The following EP400 variants were observed in gnomAD, a reference collection of about 807,000 sequenced individuals.
EP400 encodes E1A binding protein p400, also known as E1A-binding protein p400.
In EP400, 105 loss-of-function variants were observed where a neutral mutation model predicts 354.1. The observed-to-expected ratio is 0.30, with a 90% CI of 0.25 to 0.35. The LOEUF (loss-of-function observed/expected upper bound fraction) is 0.35. Among genes scored for constraint, EP400 ranks in the 10% least tolerant of loss-of-function variants. EP400 has a pLI of 1.00. For missense variants in EP400, 3,280 were observed against 4,121.0 expected (o/e 0.80, Z 5.59); for synonymous variants, 1,646 against 1,716.9 (o/e 0.96, Z 1.02).
chr12:132,001,129 G>C (rs1443361390), intron 12 of EP400, among the ~76,000 whole-genome samples: 1 of 152,144 alleles, frequency 6.6e-6, no homozygotes, highest in Admixed American at 6.5e-5. Flanking sequence ...AAAGACACGA[G>C]ACAAAGAGAT....
chr12:132,062,593 ACAG>A lies in EP400; in HGVS notation c.8238_8240del (p.Gln2748del), dbSNP rs561398509. 8.2e-7 allele frequency: 1 copy of A among 1,212,860 alleles called. No homozygotes were observed. The highest frequency in any genetic ancestry group is 1.3e-5 in the South Asian group (1 of 79,420). The allele number at this position is 1,212,860 out of a possible 1,614,324, so 75.1% of individuals were successfully genotyped here. A position where few individuals can be genotyped will look rare whatever the true frequency, so the allele number is the denominator to read the frequency against. On this transcript the variant is annotated inframe_deletion, in exon 47 of 53. Transcript: ENST00000389561. Reference sequence around the variant, plus strand: ...AGCAGCAGCAGCAGCAGCAGCAGCAACAGCAGCAGCAGCAACAGACGACGACGA... The same window carrying A: ...AGCAGCAGCAGCAGCAGCAGCAGCAACAGCAGCAGCAACAGACGACGACGA...
chr12:131,979,761 G>C lies in EP400; in HGVS notation c.1403G>C (p.Arg468Thr), dbSNP rs1189747796. The stretch of plus-strand genomic sequence containing the variant: ...ACAGTAGAGACGGACCTGTTTAAGA[G>C]GCAGCAGGCGATGCCCTCCACAGGT... The part of the protein sequence containing the change: ...GSTVETDLFK[R>T]QQAMPSTGMA... The change falls in exon 3 of 53, where the codon AGG becomes ACG. Residue 468 changes from arginine to threonine, a missense_variant. By Grantham distance (71) the Arg-to-Thr change is moderately conservative (BLOSUM62 -1). Transcript: ENST00000389561. The C allele has an allele frequency of 6.2e-7, 1 of 1,608,606 alleles. No homozygotes were observed. The highest frequency in any genetic ancestry group is 1.1e-5 in the South Asian group (1 of 90,386).
chr12:132,073,567 C>A (rs951161687), intron 51 of EP400, among the ~76,000 whole-genome samples: 1 of 150,764 alleles, frequency 6.6e-6, no homozygotes, highest in African/African-American at 2.5e-5. Flanking sequence ...GAGTCTCCTG[C>A]CTCAGCCTCC....
intron 30 of EP400, among the ~76,000 whole-genome samples, chr12:132,033,865 A>T (rs1374337692): frequency 1.3e-5 from 2 of 152,222 alleles, no homozygotes; most frequent in East Asian, 1.9e-4. Flanking sequence ...GGTTGGTGTC[A>T]TAGTAATTCA....
chr12:132,056,729 G>GA (rs1374636170), intron 45 of EP400, among the ~76,000 whole-genome samples: 1 of 152,206 alleles, frequency 6.6e-6, no homozygotes, highest in African/African-American at 2.4e-5. Context: ...GAATCCTGAA[G>GA]AAAAGTTAAT....
rs1003849015 is a variant in EP400 at position 132,026,051 on chromosome 12, G to A, written c.5014+247G>A. Among the ~76,000 whole-genome samples the A allele has an allele frequency of 2.6e-5, 4 of 152,318 alleles. No individual in the cohort carries two copies. In the East Asian group the frequency reaches 7.7e-4, roughly 29 times the overall value. ...GTCCTTAGGTTTTTGTTTTGTTTGT[G>A]TTCTCACAAGAAATTTGGAATCATG... is the stretch of plus-strand genomic sequence containing the variant. On this transcript the variant is annotated intron_variant, in intron 25 of 52. Coordinates refer to ENST00000389561, the MANE Select transcript of EP400 (RefSeq NM_015409.5).
At position 132,013,144 on chromosome 12, in the gene EP400, G is replaced by A. The variant is rs375118912; in HGVS notation, c.3577G>A (p.Glu1193Lys). The change falls in exon 17 of 53, where the codon GAG becomes AAG. Residue 1193 changes from glutamate to lysine, a missense_variant. Transcript: ENST00000389561. The surrounding 1 kb of genome is among the most constrained non-coding windows in gnomAD (Gnocchi z 4.5). ...GATGCAGCGCGTGAAGGGCATGACCGAGAGGCACTGGGAAGCGGTTTTCAC... is the reference window on the plus strand; with the variant it reads ...GATGCAGCGCGTGAAGGGCATGACCAAGAGGCACTGGGAAGCGGTTTTCAC... ...DEMQRVKGMT[E>K]RHWEAVFTLQ... The A allele has an allele frequency of 8.1e-6, 13 of 1,613,874 alleles. No individual in the cohort carries two copies. Among genetic ancestry groups the A allele is most frequent in the South Asian group, 1.1e-5 (1 of 91,068 alleles).
At chr12:132,073,931 T>TG (rs1565937562) in intron 51 of EP400, among the ~76,000 whole-genome samples, 6 of 131,360 alleles carry the variant, frequency 4.6e-5, no homozygotes, top group Non-Finnish European at 3.2e-5. Flanking sequence ...TTTTTTTTTT[T>TG]TTTTTTTTTT....
chr12:132,043,766 C>A, intron 34 of EP400, 38 bp downstream of exon 34: 1 of 1,541,784 alleles, frequency 6.5e-7, no homozygotes, highest in South Asian at 1.2e-5. Flanking sequence ...AAAAAATTTG[C>A]AATATTTTCA....
chr12:131,975,779 G>T (rs1282191458), intron 2 of EP400, among the ~76,000 whole-genome samples: 1 of 152,108 alleles, frequency 6.6e-6, no homozygotes, highest in Non-Finnish European at 1.5e-5. Flanking sequence ...GGCTGGTCTT[G>T]AACTCCTGAC....
chr12:132,007,464 A>G (rs997949569), intron 15 of EP400, among the ~76,000 whole-genome samples: 3 of 151,404 alleles, frequency 2.0e-5, no homozygotes, highest in Non-Finnish European at 4.4e-5. Context: ...GCTGGTACAC[A>G]GCTTGTGTAG....
chr12:132,021,326 G>A lies in EP400; in HGVS notation c.4690+5G>A. ...AGGCCCAGGCCCGCTTGCCCAGTAA[G>A]TGGCCTCACCTTTCCAGGTTTCTGC... On this transcript the variant is annotated splice_donor_5th_base_variant and intron_variant, in intron 23 of 52. Coordinates refer to ENST00000389561, the MANE Select transcript of EP400 (RefSeq NM_015409.5). 6.6e-7 allele frequency: 1 copy of A among 1,513,296 alleles called. No individual in the cohort carries two copies. Among genetic ancestry groups the A allele is most frequent in the South Asian group, 1.2e-5 (1 of 80,498 alleles). The allele number at this position is 1,513,296 out of a possible 1,614,324, so 93.7% of individuals were successfully genotyped here.
At position 132,021,312 on chromosome 12, in the gene EP400, C is replaced by G; in HGVS notation, c.4681C>G (p.Arg1561Gly). Residue 1561 changes from arginine to glycine, a missense_variant, in exon 23 of 53, where the codon CGC becomes GGC. Arg to Gly is a moderately radical substitution (Grantham distance 125, BLOSUM62 -2). Transcript: ENST00000389561. ...GGTGCTCCCCTCGCAGGCCCAGGCC[C>G]GCTTGCCCAGTAAGTGGCCTCACCT... ...RLVLPSQAQARLPSGEVVKIA... is the reference protein window; with the variant it reads ...RLVLPSQAQAGLPSGEVVKIA... The G allele has an allele frequency of 4.6e-6, 7 of 1,519,478 alleles. No homozygotes were observed. The highest frequency in any genetic ancestry group is 6.1e-6 in the Non-Finnish European group (7 of 1,140,428). 94.1% of individuals were successfully genotyped at this position (1,519,478 alleles called of 1,614,324 possible). A position where few individuals can be genotyped will look rare whatever the true frequency, so the allele number is the denominator to read the frequency against.
Position 131,994,887 on chromosome 12 carries a change from A to G in EP400, c.2758A>G (p.Ile920Val), listed in dbSNP as rs769855539. 1.9e-5 allele frequency: 31 copies of G among 1,614,010 alleles called. No individual in the cohort carries two copies. Among genetic ancestry groups the G allele is most frequent in the South Asian group, 1.4e-4 (13 of 91,080 alleles). Residue 920 changes from isoleucine to valine, a missense_variant, in exon 12 of 53, where the codon ATT (isoleucine) becomes GTT (valine). Ile to Val is a conservative substitution (Grantham distance 29, BLOSUM62 3). This residue lies in a region of EP400 where 800 missense variants were observed against 840.0 expected (regional missense o/e 0.95). Transcript: ENST00000389561. This position sits in a 1 kb window ranked among gnomAD's most constrained non-coding sequence, Gnocchi z 4.6. Reference sequence around the variant, plus strand: ...TTTAGTGGACGATGAAGAGGAAACAATTGAAGAGGAGGAAGCAAATGAAGG... The same window carrying G: ...TTTAGTGGACGATGAAGAGGAAACAGTTGAAGAGGAGGAAGCAAATGAAGG... ...DDEVDDEEET[I>V]EEEEANEGVV...
intron 2 of EP400, among the ~76,000 whole-genome samples, chr12:131,975,291 T>C (rs1892433403): frequency 6.6e-6 from 1 of 152,328 alleles, no homozygotes; most frequent in South Asian, 2.1e-4. Context: ...CGTGTGTTCA[T>C]GTAGATATCC....
intron 2 of EP400, among the ~76,000 whole-genome samples, chr12:131,977,808 A>T (rs1424720230): frequency 6.6e-6 from 1 of 151,384 alleles, no homozygotes; most frequent in African/African-American, 2.4e-5. Context: ...CCTTTTAGTA[A>T]CTCTTCCTAA....
chr12:131,959,263 A>T (rs1004179719), intron 1 of EP400, among the ~76,000 whole-genome samples: 1 of 152,062 alleles, frequency 6.6e-6, no homozygotes, highest in Non-Finnish European at 1.5e-5. Context: ...ACAGTGTCCA[A>T]CCTCTCCTCT....
In EP400 at chr12:132,064,616, A is replaced by G. The variant is rs74323369; in HGVS notation, c.8335-52A>G. ...GGCTTAGGAACAAGATGTCTACTTAAAGAATGGAGCACAGTTAATGTTGAA... is the reference window on the plus strand; with the variant it reads ...GGCTTAGGAACAAGATGTCTACTTAGAGAATGGAGCACAGTTAATGTTGAA... On this transcript the variant is annotated intron_variant, in intron 47 of 52. Transcript: ENST00000389561. The G allele has an allele frequency of 0.011, 17,248 of 1,582,158 alleles. 1,551 individuals are homozygous for G. In the African/African-American group the frequency reaches 0.2, roughly 19 times the overall value.
In EP400 at chr12:132,029,685, G is replaced by A. The variant is rs1199857909; in HGVS notation, c.5382-16G>A. On this transcript the variant is annotated splice_polypyrimidine_tract_variant and intron_variant, in intron 27 of 52. Coordinates refer to ENST00000389561, the MANE Select transcript of EP400 (RefSeq NM_015409.5). This position sits in a 1 kb window ranked among gnomAD's most constrained non-coding sequence, Gnocchi z 4.7. ...GTGGCTCCTGGTGGTGACAAAACAT[G>A]CTTTCTGCTCCTCAGGGTGGCCTTT... The A allele has an allele frequency of 2.5e-6, 4 of 1,608,274 alleles. No individual in the cohort carries two copies. Among genetic ancestry groups the A allele is most frequent in the African/African-American group, 1.3e-5 (1 of 74,816 alleles).
Sources: gnomAD v4.1 joint callset for allele counts (sites outside exome capture counted in the v4.1 genomes callset) on GRCh38, gnomAD v4.1.1 for gene constraint, gnomAD v4.1.1 regional missense constraint, Gnocchi (gnomAD v3.1) non-coding constraint, MANE v1.5 for transcripts, NCBI Gene and HGNC (gene_info 2026-07-23, HGNC 2026-07-21) for gene names.